Variants in TEX2 observed in about 807,000 individuals in gnomAD.
The protein encoded by TEX2 is testis expressed 2.
TEX2 carries 53 observed loss-of-function variants against 106.9 expected under a neutral mutation model. The observed-to-expected ratio is 0.50, with a 90% confidence interval of 0.40 to 0.62. The LOEUF is 0.62. TEX2 is among the 20% of genes least tolerant of loss of function. The pLI is 0.00. For missense variants in TEX2, 1,207 were observed against 1,379.0 expected, an observed-to-expected ratio of 0.88 and a Z score of 1.98; for synonymous variants, 523 against 534.8, an observed-to-expected ratio of 0.98 and a Z score of 0.30.
intron 8 of TEX2, among the ~76,000 whole-genome samples, chr17:64,156,690 A>G (rs1359380865): frequency 6.6e-6 from 1 of 152,234 alleles, no homozygotes; most frequent in Non-Finnish European, 1.5e-5. Flanking sequence ...AGAGTTCTCC[A>G]TCAGTAGGAT....
At chr17:64,178,397 T>C (rs925476537) in intron 5 of TEX2, among the ~76,000 whole-genome samples, 2 of 152,308 alleles carry the variant, frequency 1.3e-5, no homozygotes, top group African/African-American at 2.4e-5. Flanking sequence ...AGCTGTCCAC[T>C]GACCACATGC....
intron 4 of TEX2, among the ~76,000 whole-genome samples, chr17:64,191,817 C>CAAAAAAAAAAAAAAAA (rs58376086): frequency 2.5e-5 from 3 of 119,900 alleles, no homozygotes; most frequent in Admixed American, 1.6e-4. Flanking sequence ...GACTCCATCT[C>CAAAAAAAAAAAAAAAA]AAAAAAAAAA....
intron 1 of TEX2, among the ~76,000 whole-genome samples, chr17:64,218,874 T>G (rs1308726858): frequency 1.3e-5 from 2 of 152,100 alleles, no homozygotes; most frequent in Non-Finnish European, 2.9e-5. Flanking sequence ...TCACTTAGAC[T>G]GGAGGCCTAG....
chr17:64,178,582 T>C (rs1019265691), intron 5 of TEX2, among the ~76,000 whole-genome samples: 2 of 152,192 alleles, frequency 1.3e-5, no homozygotes, highest in Admixed American at 6.5e-5. Context: ...GAAGGGGAGC[T>C]GGCCCCCTGA....
chr17:64,163,939 G>T (rs1043105228), intron 7 of TEX2, among the ~76,000 whole-genome samples: 1 of 152,164 alleles, frequency 6.6e-6, no homozygotes, highest in Non-Finnish European at 1.5e-5. Flanking sequence ...ATAACCATGT[G>T]CCCTGGCTGG....
At chr17:64,152,048 A>C (rs2030383277) in intron 10 of TEX2, among the ~76,000 whole-genome samples, 1 of 152,226 alleles carries the variant, frequency 6.6e-6, no homozygotes, top group African/African-American at 2.4e-5. Flanking sequence ...AGTCAATTCA[A>C]AACCCCTCTT....
intron 1 of TEX2, among the ~76,000 whole-genome samples, chr17:64,221,372 A>T (rs535363360): frequency 1.8e-4 from 27 of 152,274 alleles, no homozygotes; most frequent in South Asian, 6.2e-4. Context: ...TTACATTTTT[A>T]AAAAAATGGG....
At chr17:64,181,747 C>G (rs1244294028) in intron 5 of TEX2, among the ~76,000 whole-genome samples, 2 of 151,674 alleles carry the variant, frequency 1.3e-5, no homozygotes, top group Non-Finnish European at 2.9e-5. Context: ...AACTCCCAAC[C>G]TCAGGTGATC....
At chr17:64,207,804 C>T (rs548529600) in intron 2 of TEX2, among the ~76,000 whole-genome samples, 1 of 151,834 alleles carries the variant, frequency 6.6e-6, no homozygotes, top group African/African-American at 2.4e-5. Context: ...GGTGCGATCG[C>T]AGCTCACTGC....
rs138062961 is a variant in TEX2, at chr17:64,188,249, G to T, written c.2343C>A (p.Gly781=). 1.6e-5 allele frequency: 26 copies of T among 1,613,866 alleles called. No homozygotes were observed. The African/African-American group carries it at 3.1e-4, about 19-fold the overall frequency. The stretch of plus-strand genomic sequence containing the variant: ...TTCGGCTTTCCTGGGGGACACACCT[G>T]CCCATGTACACGCTGTAGTCGAGAA... The part of the protein sequence containing the change: ...KMLLDYSVYM[G]RCVPQESRSP... The change falls in exon 5 of 12, where the codon GGC becomes GGA. Residue 781 remains glycine, a synonymous_variant. Transcript: ENST00000584379.
At chr17:64,210,173 C>A (rs1337545131) in intron 2 of TEX2, among the ~76,000 whole-genome samples, 1 of 152,214 alleles carries the variant, frequency 6.6e-6, no homozygotes, top group Non-Finnish European at 1.5e-5. Flanking sequence ...GTAGTCACTG[C>A]ACCACCCTAT....
chr17:64,177,512 T>A, intron 5 of TEX2, 41 bp from the exon 6 acceptor site: 1 of 1,604,642 alleles, frequency 6.2e-7, no homozygotes, highest in East Asian at 2.2e-5. Flanking sequence ...AGAAAGCAAC[T>A]GGAGAATAAG....
chr17:64,233,108 T>C (rs1012859322), intron 1 of TEX2, among the ~76,000 whole-genome samples: 4 of 152,098 alleles, frequency 2.6e-5, no homozygotes, highest in African/African-American at 9.7e-5. Context: ...AACTGATGGA[T>C]TGGAAGACAT....
chr17:64,213,461 G>C lies in TEX2; in HGVS notation c.757C>G (p.Pro253Ala), dbSNP rs541588191. Residue 253 changes from proline (P) to alanine (A), a missense_variant, in exon 2 of 12, where the codon CCC becomes GCC. By Grantham distance (27) the Pro-to-Ala change is conservative. Transcript: ENST00000584379. The surrounding 1 kb of genome is among the most constrained non-coding windows in gnomAD (Gnocchi z 4.4). ...NLHLFKQFTQ[P>A]RNTGGDSKTA... The stretch of plus-strand genomic sequence containing the variant: ...TTGGAATCTCCACCTGTGTTTCGGG[G>C]CTGTGTGAACTGCTTGAACAGGTGT... 5 of 1,614,170 alleles carry C rather than the reference G, an allele frequency of 3.1e-6. No homozygotes were observed. The East Asian group carries it at 1.1e-4, about 36-fold the overall frequency.
chr17:64,184,070 C>A (rs2031984736), intron 5 of TEX2, among the ~76,000 whole-genome samples: 1 of 152,146 alleles, frequency 6.6e-6, no homozygotes, highest in Non-Finnish European at 1.5e-5. Context: ...GTTAGTGTAT[C>A]TTCTTTGGAG....
At chr17:64,260,664 T>C (rs2034273523) in intron 1 of TEX2, among the ~76,000 whole-genome samples, 1 of 152,178 alleles carries the variant, frequency 6.6e-6, no homozygotes, top group Non-Finnish European at 1.5e-5. Context: ...CAGAAAACAG[T>C]ACCTGGCTGA....
rs561952887 is a variant in TEX2 at position 64,188,227 on chromosome 17, G to A, written c.2365C>T (p.Arg789Ter). ...TGCAGGGGGCTCCTCTGGGGGCTTC[G>A]GCTTTCCTGGGGGACACACCTGCCC... ...YMGRCVPQES[R>*]SPQRSPLQSA... Residue 789 changes from arginine (R) to a stop codon, truncating the protein, a stop_gained, in exon 5 of 12, where the codon CGA becomes TGA. Coordinates refer to ENST00000584379, the MANE Select transcript of TEX2 (RefSeq NM_001288732.2). LOFTEE classifies it high-confidence loss of function. The A allele has an allele frequency of 1.9e-6, 3 of 1,613,228 alleles. No individual in the cohort carries two copies. The highest frequency in any genetic ancestry group is 1.1e-5 in the South Asian group (1 of 91,028).
At chr17:64,227,506 CAT>C (rs577403420) in intron 1 of TEX2, among the ~76,000 whole-genome samples, 7 of 152,104 alleles carry the variant, frequency 4.6e-5, no homozygotes, top group South Asian at 2.1e-4. Flanking sequence ...TATGTAAACA[CAT>C]GTCAATCTTT....
Position 64,153,202 on chromosome 17 carries a change from TCA to T in TEX2, c.2931-50_2931-49del. The T allele has an allele frequency of 7.3e-7, 1 of 1,365,170 alleles. No homozygotes were observed. The highest frequency in any genetic ancestry group is 1.4e-5 in the African/African-American group (1 of 69,046). 84.6% of individuals were successfully genotyped at this position (1,365,170 alleles called of 1,614,324 possible). ...GCGGTTAGCACAAACTTTGCTCTTT[TCA>T]CAGACAAAAACCTGTGGCTCTTCGT... On this transcript the variant is annotated intron_variant, in intron 9 of 11. Transcript: ENST00000584379. The surrounding 1 kb of genome is among the most constrained non-coding windows in gnomAD (Gnocchi z 4.1).
Sources: gnomAD v4.1 joint callset for allele counts (sites outside exome capture counted in the v4.1 genomes callset) on GRCh38, gnomAD v4.1.1 for gene constraint, Gnocchi (gnomAD v3.1) non-coding constraint, MANE v1.5 for transcripts, NCBI Gene and HGNC (gene_info 2026-07-23, HGNC 2026-07-21) for gene names.